Variants in SCGB2A1 observed in about 807,000 individuals in gnomAD.
SCGB2A1 encodes mammaglobin-B.
In SCGB2A1, 6 loss-of-function variants were observed where a neutral mutation model predicts 9.2. That is an observed-to-expected ratio of 0.66 (90% CI 0.36 to 1.29). SCGB2A1 has a LOEUF of 1.29. Ranked by LOEUF, SCGB2A1 falls within the 50% of genes most tolerant of loss-of-function variation. The pLI is 0.03. For missense variants in SCGB2A1, 138 were observed against 116.9 expected (o/e 1.18, Z -0.83); for synonymous variants, 37 against 41.0 (o/e 0.90, Z 0.37).
chr11:62,212,791 A>G (rs1031886988), intron 2 of SCGB2A1, among the ~76,000 whole-genome samples: 3 of 151,918 alleles, frequency 2.0e-5, no homozygotes, highest in Non-Finnish European at 4.4e-5. Context: ...GCTGGAATGC[A>G]GTGGTACAAT....
intron 1 of SCGB2A1, among the ~76,000 whole-genome samples, chr11:62,209,635 ATGTGTGTGTGTG>A (rs60357410): frequency 0.24 from 34,130 of 141,992 alleles, 3,957 homozygotes; most frequent in Middle Eastern, 0.28. Context: ...TTTCACATTC[ATGTGTGTGTGTG>A]TGTGTGTGTG....
At chr11:62,212,963 T>C (rs144369204) in intron 2 of SCGB2A1, among the ~76,000 whole-genome samples, 2,118 of 148,986 alleles carry the variant, frequency 0.014, 87 homozygotes, top group African/African-American at 0.047. Context: ...TATGTACACA[T>C]ATGTACACAT....
At chr11:62,211,055 T>G (rs1339153894) in intron 2 of SCGB2A1, among the ~76,000 whole-genome samples, 1 of 151,626 alleles carries the variant, frequency 6.6e-6, no homozygotes, top group Non-Finnish European at 1.5e-5. Context: ...TCCCGAGTAG[T>G]TGGGATTACA....
intron 1 of SCGB2A1, 91 bp downstream of exon 1, chr11:62,208,877 G>A (rs1944805622): frequency 7.5e-7 from 1 of 1,337,466 alleles, no homozygotes; most frequent in Admixed American, 1.8e-5. Context: ...CCCCAGCACA[G>A]ACGAGCCCCA....
chr11:62,212,917 T>TACAC (rs545821627), intron 2 of SCGB2A1, among the ~76,000 whole-genome samples: 5 of 143,710 alleles, frequency 3.5e-5, no homozygotes, highest in African/African-American at 1.4e-4. Flanking sequence ...TACATATATA[T>TACAC]ACACACACAC....
intron 1 of SCGB2A1, 54 bp downstream of exon 1, chr11:62,208,840 C>T: frequency 1.3e-6 from 2 of 1,570,196 alleles, no homozygotes; most frequent in Non-Finnish European, 1.7e-6. Context: ...CACCTGGGCC[C>T]CTGTAGAAGA....
At chr11:62,208,873 C>A in intron 1 of SCGB2A1, 87 bp downstream of exon 1, 1 of 1,351,448 alleles carries the variant, frequency 7.4e-7, no homozygotes, top group Non-Finnish European at 1.0e-6. Flanking sequence ...TAATCCCCAG[C>A]ACAGACGAGC....
At chr11:62,211,086 G>T (rs1944827728) in intron 2 of SCGB2A1, among the ~76,000 whole-genome samples, 1 of 151,952 alleles carries the variant, frequency 6.6e-6, no homozygotes, top group Admixed American at 6.6e-5. Context: ...ACCACGCCGG[G>T]CTAATTTTTG....
rs1944858354 is a variant in SCGB2A1, at chr11:62,213,801, A to G, written c.*31A>G. On this transcript the variant is annotated 3_prime_UTR_variant, in exon 3 of 3. Transcript: ENST00000244930. ...CCCAAGGCGTTTGGCTCAGAGGGCT[A>G]CAGACTATGGCCAGAACTCATCTGT... 3 of 1,596,862 alleles carry G rather than the reference A, an allele frequency of 1.9e-6. No individual in the cohort carries two copies. Among genetic ancestry groups the G allele is most frequent in the Admixed American group, 1.7e-5 (1 of 59,236 alleles).
At chr11:62,212,934 A>ACACACATATG (rs1491564376) in intron 2 of SCGB2A1, among the ~76,000 whole-genome samples, 8 of 135,394 alleles carry the variant, frequency 5.9e-5, no homozygotes, top group African/African-American at 2.4e-4. Context: ...ACACATATAT[A>ACACACATATG]CACACATATG....
In SCGB2A1 at chr11:62,213,107, T is replaced by TATATATA. The variant is rs1554985927; in HGVS notation, c.244-619_244-618insATATATA. On this transcript the variant is annotated intron_variant, in intron 2 of 2. Transcript: ENST00000244930. ...ATATATACACATATATATATATATA[T>TATATATA]TTTTTTTTTTGTAGAGATGGCATTT... Among the ~76,000 whole-genome samples the TATATATA allele has an allele frequency of 2.7e-3, 31 of 11,304 alleles. 1 individual carries two copies. In the East Asian group the frequency reaches 0.16, roughly 60 times the overall value. The allele number at this position is 11,304 out of a possible 152,430, so 7.4% of individuals were successfully genotyped here. A position where few individuals can be genotyped will look rare whatever the true frequency, so the allele number is the denominator to read the frequency against.
chr11:62,211,044 C>T (rs1484897709), intron 2 of SCGB2A1, among the ~76,000 whole-genome samples: 2 of 151,842 alleles, frequency 1.3e-5, no homozygotes, highest in Non-Finnish European at 2.9e-5. Context: ...CTGCCTCCAC[C>T]TCCCGAGTAG....
chr11:62,211,083 C>A (rs3862393), intron 2 of SCGB2A1, among the ~76,000 whole-genome samples: 92,986 of 151,680 alleles, frequency 0.61, 29,539 homozygotes, highest in East Asian at 0.97. Context: ...GCCACCACGC[C>A]GGGCTAATTT....
At position 62,210,599 on chromosome 11, in the gene SCGB2A1, T is replaced by C. The variant is rs748200697; in HGVS notation, c.242T>C (p.Met81Thr). The change falls in exon 2 of 3, where the codon ATG (methionine) becomes ACG (threonine). Residue 81 changes from methionine to threonine, a missense_variant and splice_region_variant. Transcript: ENST00000244930. ...ACTCTGAAAAACTTTGGACTGATGA[T>C]GGTAATTTGGGTTTCTTCTTATGTA... ...HRTLKNFGLM[M>T]HTVYDSIWCN... 3.9e-6 allele frequency: 6 copies of C among 1,536,758 alleles called. No homozygotes were observed. Among genetic ancestry groups the C allele is most frequent in the South Asian group, 2.7e-5 (2 of 74,588 alleles).
chr11:62,211,878 T>A (rs1364366683), intron 2 of SCGB2A1, among the ~76,000 whole-genome samples: 1 of 152,196 alleles, frequency 6.6e-6, no homozygotes, highest in Non-Finnish European at 1.5e-5. Context: ...ACAAGGAGTA[T>A]TTCTGTCTGT....
At chr11:62,213,023 CAT>C (rs1944847050) in intron 2 of SCGB2A1, among the ~76,000 whole-genome samples, 1 of 53,188 alleles carries the variant, frequency 1.9e-5, no homozygotes, top group African/African-American at 6.7e-5. Flanking sequence ...CACATATATA[CAT>C]ATATACACAC....
In SCGB2A1 at chr11:62,208,902, G is replaced by T. The variant is rs146078766; in HGVS notation, c.55+116G>T. 6.7e-4 allele frequency: 650 copies of T among 973,590 alleles called. 2 individuals carry two copies. The African/African-American group carries it at 9.3e-3, about 14-fold the overall frequency. 60.3% of individuals were successfully genotyped at this position (973,590 alleles called of 1,614,324 possible). On this transcript the variant is annotated intron_variant, in intron 1 of 2. Transcript: ENST00000244930. Reference sequence around the variant, plus strand: ...GACGAGCCCCAGTGTGAAGGGCCTGGGTGCGATAGGCCTTAGGATCCCCAT... The same window carrying T: ...GACGAGCCCCAGTGTGAAGGGCCTGTGTGCGATAGGCCTTAGGATCCCCAT...
At position 62,209,083 on chromosome 11, in the gene SCGB2A1, A is replaced by G. The variant is rs77466459; in HGVS notation, c.55+297A>G. ...ATTAAATATTGAAATGAACTATTTC[A>G]GTGGGGCAAGGGAGAGATGGCATCT... On this transcript the variant is annotated intron_variant, in intron 1 of 2. Transcript: ENST00000244930. Among the ~76,000 whole-genome samples, 21 of 151,950 alleles carry G rather than the reference A, an allele frequency of 1.4e-4. No homozygotes were observed. The East Asian group carries it at 3.9e-3, about 28-fold the overall frequency.
intron 2 of SCGB2A1, among the ~76,000 whole-genome samples, chr11:62,211,880 T>C (rs1345493309): frequency 6.6e-6 from 1 of 152,172 alleles, no homozygotes; most frequent in African/African-American, 2.4e-5. Flanking sequence ...AAGGAGTATT[T>C]CTGTCTGTTT....
Sources: gnomAD v4.1 joint callset for allele counts (sites outside exome capture counted in the v4.1 genomes callset) on GRCh38, gnomAD v4.1.1 for gene constraint, MANE v1.5 for transcripts, NCBI Gene and HGNC (gene_info 2026-07-23, HGNC 2026-07-21) for gene names.